CNDP1: variants seen among roughly 807,000 people sequenced by gnomAD.
The protein encoded by CNDP1 is carnosine dipeptidase 1.
In CNDP1, 44 loss-of-function variants were observed where a neutral mutation model predicts 58.1. The observed-to-expected ratio is 0.76, with a 90% confidence interval of 0.60 to 0.97. The LOEUF (loss-of-function observed/expected upper bound fraction) is 0.97, where lower values mean the gene tolerates loss of function less well. Among genes scored for constraint, CNDP1 ranks in the 50% least tolerant of loss-of-function variants. The pLI is 0.00. For missense variants in CNDP1, 616 were observed against 655.1 expected (o/e 0.94, Z 0.65); for synonymous variants, 254 against 252.6 (o/e 1.01, Z -0.05).
At chr18:74,553,364 TA>T (rs754242783) in intron 1 of CNDP1, among the ~76,000 whole-genome samples, 1 of 152,176 alleles carries the variant, frequency 6.6e-6, no homozygotes, top group African/African-American at 2.4e-5. Flanking sequence ...GATTTACAGC[TA>T]TTTTTTTTTA....
intron 4 of CNDP1, 53 bp downstream of exon 4, chr18:74,561,071 AG>A: frequency 6.3e-7 from 1 of 1,582,352 alleles, no homozygotes; most frequent in East Asian, 2.3e-5. Flanking sequence ...GCAAGATTGA[AG>A]GGGTGAAGAT....
In CNDP1 at chr18:74,586,014, A is replaced by C. The variant is rs891834478; in HGVS notation, c.*1452A>C. The C allele has an allele frequency of 1.3e-5, 2 of 152,098 alleles. No homozygotes were observed. Among genetic ancestry groups the C allele is most frequent in the Non-Finnish European group, 2.9e-5 (2 of 68,120 alleles). The allele number at this position is 152,098 out of a possible 1,614,324, so 9.4% of individuals were successfully genotyped here. On this transcript the variant is annotated 3_prime_UTR_variant, in exon 12 of 12. Coordinates refer to ENST00000358821, the MANE Select transcript of CNDP1 (RefSeq NM_032649.6). ...GTCTCCAAAAAAAAAAAAAAAAAAA[A>C]AAAAAGCAGAACACATTTGCGTTCA...
intron 5 of CNDP1, among the ~76,000 whole-genome samples, chr18:74,563,622 CAT>C (rs1279068908): frequency 6.6e-6 from 1 of 152,192 alleles, no homozygotes; most frequent in Non-Finnish European, 1.5e-5. Flanking sequence ...AGTGAAGAAA[CAT>C]CTCCATGGGG....
In CNDP1 at chr18:74,578,289, C is replaced by T; in HGVS notation, c.1129C>T (p.Leu377=). Residue 377 remains leucine (L), a synonymous_variant, in exon 9 of 12, where the codon CTA becomes TTA. Coordinates refer to ENST00000358821, the MANE Select transcript of CNDP1 (RefSeq NM_032649.6). ...GRVIGKFSIR[L]VPHMNVSAVE... Reference sequence around the variant, plus strand: ...AGTTATAGGAAAATTTTCAATCCGTCTAGTCCCTCACATGAATGTGTCTGC... The same window carrying T: ...AGTTATAGGAAAATTTTCAATCCGTTTAGTCCCTCACATGAATGTGTCTGC... The T allele has an allele frequency of 6.2e-7, 1 of 1,613,476 alleles. No homozygotes were observed. The highest frequency in any genetic ancestry group is 8.5e-7 in the Non-Finnish European group (1 of 1,179,786).
chr18:74,566,172 C>A (rs978702842), intron 5 of CNDP1, among the ~76,000 whole-genome samples: 1 of 152,196 alleles, frequency 6.6e-6, no homozygotes, highest in Non-Finnish European at 1.5e-5. Flanking sequence ...ATACAGGGAC[C>A]CTGGGCCTGG....
In CNDP1 at chr18:74,545,168, G is replaced by A. The variant is rs1980727358; in HGVS notation, c.24+10477G>A. ...TCCTGGTGTTTGGCCCCCGGTTTGG[G>A]ATGCTTTGTTCCAGCAGCCTGAGGA... On this transcript the variant is annotated intron_variant, in intron 1 of 11. Transcript: ENST00000358821. The surrounding 1 kb of genome is among the most constrained non-coding windows in gnomAD (Gnocchi z 4.1). 6.6e-6 allele frequency among the ~76,000 whole-genome samples: 1 copy of A among 152,184 alleles called. No homozygotes were observed. Among genetic ancestry groups the A allele is most frequent in the African/African-American group, 2.4e-5 (1 of 41,442 alleles).
At chr18:74,550,750 T>G (rs976225495) in intron 1 of CNDP1, among the ~76,000 whole-genome samples, 36 of 150,716 alleles carry the variant, frequency 2.4e-4, no homozygotes, top group Admixed American at 9.2e-4. Flanking sequence ...CTATTTTTTT[T>G]TTTTGTTTTT....
At chr18:74,566,910 G>A (rs1308304788) in intron 5 of CNDP1, among the ~76,000 whole-genome samples, 1 of 152,166 alleles carries the variant, frequency 6.6e-6, no homozygotes, top group Admixed American at 6.5e-5. Context: ...AAGAAAAAGA[G>A]GTTTAATAGG....
intron 6 of CNDP1, among the ~76,000 whole-genome samples, chr18:74,569,609 G>A (rs538037418): frequency 3.0e-4 from 46 of 152,214 alleles, no homozygotes; most frequent in South Asian, 1.2e-3. Flanking sequence ...CGTGAGCACC[G>A]CATGGTCAGA....
intron 9 of CNDP1, 39 bp from the exon 10 acceptor site, chr18:74,580,091 T>C: frequency 6.3e-7 from 1 of 1,582,256 alleles, no homozygotes; most frequent in Non-Finnish European, 8.7e-7. Flanking sequence ...AGAGAATAAC[T>C]TGACACTTTC....
chr18:74,538,097 T>C (rs1297981997), intron 1 of CNDP1, among the ~76,000 whole-genome samples: 1 of 152,200 alleles, frequency 6.6e-6, no homozygotes, highest in Admixed American at 6.5e-5. Flanking sequence ...TTTAGTATAT[T>C]CACTGACATG....
chr18:74,567,433 G>A lies in CNDP1; in HGVS notation c.756G>A (p.Glu252=), dbSNP rs773324396. The stretch of plus-strand genomic sequence containing the variant: ...GGGGGAACAGCTACTTCATGGTGGA[G>A]GTATCCACAGAGAGCAGTGCATGGA... ...GTRGNSYFMV[E]VKCRDQDFHS... Residue 252 remains glutamate (E), a splice_region_variant and synonymous_variant, in exon 6 of 12, where the codon GAG becomes GAA. Coordinates refer to ENST00000358821, the MANE Select transcript of CNDP1 (RefSeq NM_032649.6). 20 of 1,612,448 alleles carry A rather than the reference G, an allele frequency of 1.2e-5. No individual in the cohort carries two copies. The highest frequency in any genetic ancestry group is 1.6e-5 in the Non-Finnish European group (19 of 1,178,598).
rs545324226 is a variant in CNDP1, at chr18:74,559,270, G to A, written c.154-53G>A. The A allele has an allele frequency of 6.7e-5, 107 of 1,599,176 alleles. No homozygotes were observed. The South Asian group carries it at 6.8e-4, about 10-fold the overall frequency. On this transcript the variant is annotated intron_variant, in intron 2 of 11. Transcript: ENST00000358821. ...CTCCTGCCCTCCCTTCGCTCCCCCCGCAGAGCAGATGTGGGACCCCAATGC... is the reference window on the plus strand; with the variant it reads ...CTCCTGCCCTCCCTTCGCTCCCCCCACAGAGCAGATGTGGGACCCCAATGC...
rs143427504 is a variant in CNDP1, at chr18:74,559,436, G to C, written c.267G>C (p.Gly89=). The change falls in exon 3 of 12, where the codon GGG becomes GGC. Residue 89 remains glycine, a synonymous_variant. Transcript: ENST00000358821. ...CTGCGGACACGCTGCAGCGCCTGGG[G>C]GCCCGTGTGGCCTCGGTGGACATGG... ...AVAADTLQRL[G]ARVASVDMGP... The C allele has an allele frequency of 3.7e-6, 6 of 1,611,620 alleles. No individual in the cohort carries two copies. Among genetic ancestry groups the C allele is most frequent in the Non-Finnish European group, 5.1e-6 (6 of 1,179,972 alleles).
chr18:74,575,928 G>C (rs1981625534), intron 7 of CNDP1, among the ~76,000 whole-genome samples: 1 of 146,396 alleles, frequency 6.8e-6, no homozygotes, highest in Non-Finnish European at 1.5e-5. Flanking sequence ...GGAGTAGAGT[G>C]GCGTGATCTG....
chr18:74,562,160 A>AGAG (rs768391446), intron 5 of CNDP1, 25 bp downstream of exon 5: 3 of 1,606,292 alleles, frequency 1.9e-6, no homozygotes, highest in Non-Finnish European at 2.6e-6. Flanking sequence ...TGTTTGGGAG[A>AGAG]GAGGAGGAGG....
intron 7 of CNDP1, among the ~76,000 whole-genome samples, chr18:74,575,595 A>C (rs1981611170): frequency 6.6e-6 from 1 of 152,214 alleles, no homozygotes; most frequent in South Asian, 2.1e-4. Flanking sequence ...ATTTGTATTG[A>C]TCTCCAAACT....
At chr18:74,578,461 A>C in intron 9 of CNDP1, 134 bp downstream of exon 9, 1 of 894,042 alleles carries the variant, frequency 1.1e-6, no homozygotes, top group African/African-American at 1.7e-5. Context: ...GAGTGGAACA[A>C]ATGTCAAGAA....
chr18:74,559,946 C>G (rs944191904), intron 3 of CNDP1, among the ~76,000 whole-genome samples: 2 of 151,826 alleles, frequency 1.3e-5, no homozygotes, highest in Non-Finnish European at 2.9e-5. Flanking sequence ...CACTGAGGAA[C>G]CTCAGGATCA....
Sources: gnomAD v4.1 joint callset for allele counts (sites outside exome capture counted in the v4.1 genomes callset) on GRCh38, gnomAD v4.1.1 for gene constraint, Gnocchi (gnomAD v3.1) non-coding constraint, MANE v1.5 for transcripts, NCBI Gene and HGNC (gene_info 2026-07-23, HGNC 2026-07-21) for gene names.